GABRA5: variants seen among roughly 807,000 people sequenced by gnomAD.
GABRA5 encodes the protein gamma-aminobutyric acid type A receptor subunit alpha5.
A neutral mutation model predicts 47.3 loss-of-function variants in GABRA5; 18 were observed. The ratio of observed to expected loss-of-function variants is 0.38; its 90% CI spans 0.26 to 0.56. The LOEUF (loss-of-function observed/expected upper bound fraction) is 0.56. GABRA5 is among the 20% of genes least tolerant of loss of function. The pLI, the probability that GABRA5 is intolerant of heterozygous loss-of-function variation, is 0.71. For missense variants in GABRA5, 365 were observed against 599.3 expected (o/e 0.61, Z 4.08); for synonymous variants, 237 against 229.3 (o/e 1.03, Z -0.30).
Position 26,867,095 on chromosome 15 carries a change from T to A in GABRA5, c.-156T>A, listed in dbSNP as rs576189672. 2 of 151,894 alleles carry A rather than the reference T, an allele frequency of 1.3e-5. No homozygotes were observed. The highest frequency in any genetic ancestry group is 2.0e-4 in the East Asian group (1 of 5,104). The allele number at this position is 151,894 out of a possible 1,614,324, so 9.4% of individuals were successfully genotyped here. The stretch of plus-strand genomic sequence containing the variant: ...CCGATCCTCCAGCCCAGAGACGACA[T>A]GTGGCGCTCGGGCGAGGTGAGAGCG... On this transcript the variant is annotated 5_prime_UTR_variant, in exon 1 of 11. It removes an upstream start codon present in the reference 5' UTR. Transcript: ENST00000335625. The surrounding 1 kb of genome is among the most constrained non-coding windows in gnomAD (Gnocchi z 5.9).
intron 6 of GABRA5, among the ~76,000 whole-genome samples, chr15:26,893,503 C>A (rs140684922): frequency 2.0e-4 from 3 of 15,086 alleles, no homozygotes; most frequent in African/African-American, 6.8e-4. Context: ...TGGGCCTGGA[C>A]CTCCCTCCTG....
chr15:26,874,045 G>C (rs967830842), intron 3 of GABRA5, among the ~76,000 whole-genome samples: 1 of 152,202 alleles, frequency 6.6e-6, no homozygotes, highest in African/African-American at 2.4e-5. Flanking sequence ...GCAGCTCTCC[G>C]CCAAGACTGT....
chr15:26,924,166 T>C (rs921566386), intron 7 of GABRA5, among the ~76,000 whole-genome samples: 9 of 151,382 alleles, frequency 5.9e-5, no homozygotes, highest in African/African-American at 1.7e-4. Context: ...GGCTTTTTTT[T>C]TTTTTTTTTC....
At chr15:26,921,900 T>A (rs904750679) in intron 7 of GABRA5, among the ~76,000 whole-genome samples, 22 of 152,180 alleles carry the variant, frequency 1.4e-4, no homozygotes, top group African/African-American at 5.3e-4. Flanking sequence ...TTGTAGATTT[T>A]TCTGTTATCT....
At chr15:26,891,364 T>G (rs1893001043) in intron 6 of GABRA5, among the ~76,000 whole-genome samples, 1 of 152,178 alleles carries the variant, frequency 6.6e-6, no homozygotes, top group South Asian at 2.1e-4. Flanking sequence ...ACAACAGATG[T>G]GATAAATGAA....
intron 7 of GABRA5, among the ~76,000 whole-genome samples, chr15:26,920,876 G>A (rs186217463): frequency 6.6e-5 from 10 of 152,210 alleles, no homozygotes; most frequent in South Asian, 4.1e-4. Flanking sequence ...GACTGAAATC[G>A]GTTCCTCCGA....
In GABRA5 at chr15:26,880,870, A is replaced by G. The variant is rs1892712815; in HGVS notation, c.111A>G (p.Ser37=). The G allele has an allele frequency of 1.2e-6, 2 of 1,613,806 alleles. No homozygotes were observed. The highest frequency in any genetic ancestry group is 3.3e-5 in the Admixed American group (2 of 60,008). ...GCTTTTCACAGATGCCAACCAGTTC[A>G]GTGAAAGATGAGACCAATGACAACA... ...HFGFSQMPTS[S]VKDETNDNIT... Residue 37 remains serine, a synonymous_variant, in exon 4 of 11, where the codon TCA becomes TCG. Transcript: ENST00000335625.
intron 4 of GABRA5, among the ~76,000 whole-genome samples, chr15:26,882,488 T>TA (rs1892753660): frequency 6.6e-6 from 1 of 152,224 alleles, no homozygotes; most frequent in South Asian, 2.1e-4. Flanking sequence ...CACGGGGACT[T>TA]ACAGGGCTGT....
intron 3 of GABRA5, among the ~76,000 whole-genome samples, chr15:26,878,417 G>A (rs775325460): frequency 6.6e-6 from 1 of 152,102 alleles, no homozygotes; most frequent in Non-Finnish European, 1.5e-5. Context: ...CTGTGAAAGC[G>A]GTGTATTTCA....
intron 10 of GABRA5, among the ~76,000 whole-genome samples, chr15:26,947,023 C>T (rs746018932): frequency 2.0e-5 from 3 of 152,162 alleles, no homozygotes; most frequent in Non-Finnish European, 4.4e-5. Flanking sequence ...CAAAAGAATG[C>T]ATTCTGTACC....
intron 3 of GABRA5, among the ~76,000 whole-genome samples, chr15:26,871,504 G>C (rs909293562): frequency 6.6e-6 from 1 of 152,202 alleles, no homozygotes; most frequent in African/African-American, 2.4e-5. Flanking sequence ...TAATCTTTTA[G>C]GTATATGGCC....
At chr15:26,908,459 C>T (rs997432444) in intron 6 of GABRA5, among the ~76,000 whole-genome samples, 1 of 152,146 alleles carries the variant, frequency 6.6e-6, no homozygotes, top group Non-Finnish European at 1.5e-5. Flanking sequence ...AAGAATATTG[C>T]CTGCCGTCAT....
intron 3 of GABRA5, chr15:26,877,578 T>C (rs934632612): frequency 2.6e-5 from 11 of 429,268 alleles, no homozygotes; most frequent in Non-Finnish European, 5.1e-5. Context: ...AAGTCAGAAG[T>C]GGTCATCCAT....
Position 26,941,787 on chromosome 15 carries a change from G to A in GABRA5, c.878-1428G>A, listed in dbSNP as rs549413293. 3.9e-5 allele frequency among the ~76,000 whole-genome samples: 6 copies of A among 152,216 alleles called. No individual in the cohort carries two copies. In the South Asian group the frequency reaches 8.3e-4, roughly 21 times the overall value. On this transcript the variant is annotated intron_variant, in intron 9 of 10. Transcript: ENST00000335625. Reference sequence around the variant, plus strand: ...TTTAGCTCATGGCAGCATCACTCCCGCCCTCACACGGCATGCTCCCTGTGT... The same window carrying A: ...TTTAGCTCATGGCAGCATCACTCCCACCCTCACACGGCATGCTCCCTGTGT...
chr15:26,883,331 C>T lies in GABRA5; in HGVS notation c.277-6C>T. ...TCTGACTGCCTCGTGCCTTCCTTTC[C>T]ACTAGGAGTACACCATAGACGTGTT... On this transcript the variant is annotated splice_polypyrimidine_tract_variant and splice_region_variant and intron_variant, in intron 5 of 10. Transcript: ENST00000335625. This position sits in a 1 kb window ranked among gnomAD's most constrained non-coding sequence, Gnocchi z 4.8. 3 of 1,613,896 alleles carry T rather than the reference C, an allele frequency of 1.9e-6. No individual in the cohort carries two copies. The highest frequency in any genetic ancestry group is 2.5e-6 in the Non-Finnish European group (3 of 1,179,776).
intron 7 of GABRA5, among the ~76,000 whole-genome samples, chr15:26,921,442 G>A (rs186083653): frequency 3.4e-4 from 52 of 152,246 alleles, no homozygotes; most frequent in African/African-American, 9.4e-4. Flanking sequence ...GATGTCTGCA[G>A]TGTCTGTAGT....
chr15:26,895,480 T>G (rs1843617452), intron 6 of GABRA5, among the ~76,000 whole-genome samples: 4 of 152,004 alleles, frequency 2.6e-5, no homozygotes, highest in Admixed American at 2.6e-4. Context: ...CTTCATGCCT[T>G]ATGGAATAGA....
intron 10 of GABRA5, among the ~76,000 whole-genome samples, chr15:26,944,020 C>G (rs1347254015): frequency 2.0e-5 from 3 of 152,162 alleles, no homozygotes; most frequent in Non-Finnish European, 2.9e-5. Flanking sequence ...CATTCGTGGA[C>G]GGTAAATAAA....
At chr15:26,945,110 A>C (rs1480827378) in intron 10 of GABRA5, among the ~76,000 whole-genome samples, 2 of 152,234 alleles carry the variant, frequency 1.3e-5, no homozygotes, top group Non-Finnish European at 2.9e-5. Flanking sequence ...CTTCTAGAAT[A>C]AGCCGCGTGC....
Sources: allele counts gnomAD v4.1 joint callset (sites outside exome capture counted in the v4.1 genomes callset), GRCh38; gene constraint gnomAD v4.1.1; non-coding constraint Gnocchi (gnomAD v3.1); transcripts MANE v1.5; gene names NCBI Gene and HGNC (gene_info 2026-07-23, HGNC 2026-07-21).